The following SARAF variants were observed in gnomAD, a reference collection of about 807,000 sequenced individuals.
SARAF encodes store-operated calcium entry associated regulatory factor, also known as store-operated calcium entry-associated regulatory factor.
Under a neutral mutation model 39.7 loss-of-function variants are expected in SARAF, and 23 were observed. The ratio of observed to expected loss-of-function variants is 0.58; its 90% CI spans 0.42 to 0.82. The LOEUF is 0.82. Ranked by LOEUF, SARAF falls within the 40% of genes least tolerant of loss-of-function variation. SARAF has a pLI of 0.00. For missense variants in SARAF, 384 were observed against 418.5 expected (o/e 0.92, Z 0.72); for synonymous variants, 175 against 168.5 (o/e 1.04, Z -0.30).
chr8:30,082,698 G>A (rs747042359), intron 1 of SARAF, 149 bp downstream of exon 1: 8 of 576,238 alleles, frequency 1.4e-5, no homozygotes, highest in Non-Finnish European at 1.2e-5. Context: ...TGGAACCAGG[G>A]AGAGCACGAA....
chr8:30,071,582 T>C (rs1801845046), intron 2 of SARAF, among the ~76,000 whole-genome samples: 1 of 152,230 alleles, frequency 6.6e-6, no homozygotes, highest in African/African-American at 2.4e-5. Context: ...AATATTTTCG[T>C]CACCCCAAAG....
chr8:30,082,520 C>CAGGTG (rs1802129049), intron 1 of SARAF: 1 of 246,850 alleles, frequency 4.1e-6, no homozygotes, highest in Non-Finnish European at 7.9e-6. Flanking sequence ...AGCAGATGCG[C>CAGGTG]AGGTGAGTGT....
chr8:30,064,631 C>T (rs1287946081), intron 5 of SARAF, among the ~76,000 whole-genome samples: 5 of 136,912 alleles, frequency 3.7e-5, no homozygotes, highest in Admixed American at 8.2e-5. Context: ...GGTGCAATCT[C>T]GGCTCACTGC....
intron 1 of SARAF, among the ~76,000 whole-genome samples, chr8:30,081,436 CAA>C (rs1802095983): frequency 6.6e-6 from 1 of 152,192 alleles, no homozygotes. Flanking sequence ...TAATTCTGAT[CAA>C]GTCTCCCACT....
intron 5 of SARAF, 185 bp downstream of exon 5, chr8:30,065,803 C>G: frequency 1.4e-6 from 1 of 692,096 alleles, no homozygotes; most frequent in Admixed American, 2.3e-5. Flanking sequence ...AAGCCTAAAT[C>G]AAATCCCTGT....
At chr8:30,074,999 G>A (rs1332591253) in intron 1 of SARAF, among the ~76,000 whole-genome samples, 1 of 152,164 alleles carries the variant, frequency 6.6e-6, no homozygotes, top group Non-Finnish European at 1.5e-5. Flanking sequence ...TGGCATTCAT[G>A]TGCAAAAATG....
intron 1 of SARAF, among the ~76,000 whole-genome samples, chr8:30,081,135 C>G (rs1802088850): frequency 6.6e-6 from 1 of 151,894 alleles, no homozygotes; most frequent in Non-Finnish European, 1.5e-5. Flanking sequence ...GTGAAACTGT[C>G]TCAAAAAAAC....
intron 4 of SARAF, among the ~76,000 whole-genome samples, 153 bp from the exon 5 acceptor site, chr8:30,066,292 G>A (rs1005423498): frequency 3.3e-5 from 5 of 152,004 alleles, no homozygotes; most frequent in Admixed American, 6.6e-5. Context: ...AATAAAAACC[G>A]TTTCATATTT....
chr8:30,081,314 C>T (rs10106729), intron 1 of SARAF, among the ~76,000 whole-genome samples: 18,383 of 152,158 alleles, frequency 0.12, 1,149 homozygotes, highest in East Asian at 0.21. Flanking sequence ...GTTCTTCTTT[C>T]ATAGTTTTTA....
rs2117427916 is a variant in SARAF, at chr8:30,069,983, G to A, written c.359C>T (p.Ser120Phe). ...ACCTCTTAGTACATACTGGTCTTCAGAGGACTCATAGCCTTCACAGCTCAC... is the reference window on the plus strand; with the variant it reads ...ACCTCTTAGTACATACTGGTCTTCAAAGGACTCATAGCCTTCACAGCTCAC... ...TVVSCEGYESSEDQYVLRGSC... is the reference protein window; with the variant it reads ...TVVSCEGYESFEDQYVLRGSC... Residue 120 changes from serine (S) to phenylalanine (F), a missense_variant, in exon 3 of 6, where the codon TCT becomes TTT. Transcript: ENST00000256255. 6.2e-7 allele frequency: 1 copy of A among 1,613,990 alleles called. No individual in the cohort carries two copies. The highest frequency in any genetic ancestry group is 8.5e-7 in the Non-Finnish European group (1 of 1,180,030).
intron 2 of SARAF, among the ~76,000 whole-genome samples, chr8:30,070,993 T>G (rs903776874): frequency 6.6e-6 from 1 of 152,146 alleles, no homozygotes; most frequent in African/African-American, 2.4e-5. Flanking sequence ...CCAAGTTTGG[T>G]CTAGATTCTA....
At chr8:30,073,153 T>C (rs994927978) in intron 2 of SARAF, among the ~76,000 whole-genome samples, 4 of 152,122 alleles carry the variant, frequency 2.6e-5, no homozygotes, top group South Asian at 4.1e-4. Flanking sequence ...CGCATAAAGG[T>C]TGTATCAAAC....
chr8:30,068,994 T>G (rs1290854656), intron 3 of SARAF, among the ~76,000 whole-genome samples: 1 of 152,164 alleles, frequency 6.6e-6, no homozygotes, highest in Non-Finnish European at 1.5e-5. Context: ...GAAACTTAAT[T>G]GTTTTACCTT....
At chr8:30,063,970 A>C in intron 5 of SARAF, 57 bp from the exon 6 acceptor site, 1 of 1,390,872 alleles carries the variant, frequency 7.2e-7, no homozygotes, top group Non-Finnish European at 1.0e-6. Context: ...AGAATTGCTT[A>C]TAAAATTACA....
At chr8:30,066,273 T>C in intron 4 of SARAF, 134 bp from the exon 5 acceptor site, 1 of 942,682 alleles carries the variant, frequency 1.1e-6, no homozygotes, top group South Asian at 1.8e-5. Context: ...TATATCAGAG[T>C]TAACATGAAA....
chr8:30,082,535 C>G (rs777701867), intron 1 of SARAF: 62 of 282,196 alleles, frequency 2.2e-4, no homozygotes, highest in Non-Finnish European at 3.6e-4. Flanking sequence ...GAGTGTCCAG[C>G]TCTCCAGTTA....
chr8:30,079,289 G>T (rs1012216741), intron 1 of SARAF, among the ~76,000 whole-genome samples: 1 of 152,034 alleles, frequency 6.6e-6, no homozygotes, highest in Non-Finnish European at 1.5e-5. Flanking sequence ...AGATGAAGTG[G>T]TCTTTTTAAT....
chr8:30,083,015 G>A lies in SARAF; in HGVS notation c.-66C>T, dbSNP rs1046885029. 5.8e-6 allele frequency: 7 copies of A among 1,203,906 alleles called. No homozygotes were observed. Among genetic ancestry groups the A allele is most frequent in the African/African-American group, 1.6e-5 (1 of 62,444 alleles). The allele number at this position is 1,203,906 out of a possible 1,614,324, so 74.6% of individuals were successfully genotyped here. A position where few individuals can be genotyped will look rare whatever the true frequency, so the allele number is the denominator to read the frequency against. On this transcript the variant is annotated 5_prime_UTR_variant, in exon 1 of 6. Coordinates refer to ENST00000256255, the MANE Select transcript of SARAF (RefSeq NM_016127.6). Reference sequence around the variant, plus strand: ...GGGCCGAACCTGGGTGCGGTAGCGCGCGCGACGCTGCGCAGCTACACCGCT... The same window carrying A: ...GGGCCGAACCTGGGTGCGGTAGCGCACGCGACGCTGCGCAGCTACACCGCT...
At chr8:30,083,069 G>T, upstream of SARAF, 1 of 666,874 alleles carries the variant, frequency 1.5e-6, no homozygotes, top group Non-Finnish European at 2.4e-6. Context: ...GGAACGGCCC[G>T]ACTGCAGAGC....
Sources: gnomAD v4.1 joint callset for allele counts (sites outside exome capture counted in the v4.1 genomes callset) on GRCh38, gnomAD v4.1.1 for gene constraint, MANE v1.5 for transcripts, NCBI Gene and HGNC (gene_info 2026-07-23, HGNC 2026-07-21) for gene names.